EXOC6B: variants seen among roughly 807,000 people sequenced by gnomAD.
The protein encoded by EXOC6B is SEC15 homolog B.
EXOC6B carries 54 observed loss-of-function variants against 113.5 expected under a neutral mutation model. The observed-to-expected ratio is 0.48, with a 90% CI of 0.38 to 0.60. EXOC6B has a LOEUF of 0.60. Ranked by LOEUF, EXOC6B falls within the 20% of genes least tolerant of loss-of-function variation. EXOC6B has a pLI of 0.00. For missense variants in EXOC6B, 797 were observed against 977.5 expected (o/e 0.82, Z 2.46); for synonymous variants, 357 against 339.0 (o/e 1.05, Z -0.58).
At chr2:72,454,848 G>C (rs1301556684) in intron 18 of EXOC6B, among the ~76,000 whole-genome samples, 3 of 152,032 alleles carry the variant, frequency 2.0e-5, no homozygotes, top group Non-Finnish European at 4.4e-5. Flanking sequence ...TATTTCTGAA[G>C]AAATACAAAA....
At chr2:72,809,115 A>G (rs74807730) in intron 1 of EXOC6B, among the ~76,000 whole-genome samples, 9,932 of 152,140 alleles carry the variant, frequency 0.065, 1,103 homozygotes, top group African/African-American at 0.23. Flanking sequence ...AAATCAAAAT[A>G]GAGTTCAAAA....
intron 20 of EXOC6B, among the ~76,000 whole-genome samples, chr2:72,332,299 GA>G (rs958038551): frequency 2.0e-5 from 3 of 151,882 alleles, no homozygotes; most frequent in African/African-American, 7.3e-5. Flanking sequence ...ATTATGTAAT[GA>G]AAAAAATCTG....
chr2:72,446,925 C>A (rs1490670589), intron 18 of EXOC6B, among the ~76,000 whole-genome samples: 1 of 152,112 alleles, frequency 6.6e-6, no homozygotes, highest in Non-Finnish European at 1.5e-5. Context: ...CATGATGAAA[C>A]CCTGTCTCTA....
intron 6 of EXOC6B, among the ~76,000 whole-genome samples, chr2:72,631,798 C>T (rs1195155681): frequency 1.3e-5 from 2 of 152,138 alleles, no homozygotes; most frequent in Non-Finnish European, 2.9e-5. Flanking sequence ...GCCACCACGC[C>T]TGGCCCACCC....
chr2:72,641,399 C>G (rs1673220963), intron 6 of EXOC6B, among the ~76,000 whole-genome samples: 2 of 152,400 alleles, frequency 1.3e-5, no homozygotes, highest in South Asian at 2.1e-4. Context: ...AACGGCACAC[C>G]AGGAGATTTT....
intron 1 of EXOC6B, among the ~76,000 whole-genome samples, chr2:72,788,865 C>T (rs1348219990): frequency 1.3e-5 from 2 of 152,172 alleles, no homozygotes; most frequent in African/African-American, 4.8e-5. Context: ...CCTTGTGCTA[C>T]CACTGGCAGA....
At chr2:72,806,432 A>G (rs1452069038) in intron 1 of EXOC6B, among the ~76,000 whole-genome samples, 2 of 152,172 alleles carry the variant, frequency 1.3e-5, no homozygotes, top group African/African-American at 2.4e-5. Flanking sequence ...TCCACCACTG[A>G]TGGGCAAAGA....
chr2:72,342,254 A>G (rs533420791), intron 19 of EXOC6B, among the ~76,000 whole-genome samples: 236 of 152,252 alleles, frequency 1.6e-3, no homozygotes, highest in African/African-American at 5.0e-3. Context: ...TAGAAATGAT[A>G]AAGATCAGAG....
chr2:72,382,279 C>A (rs1160628788), intron 18 of EXOC6B, among the ~76,000 whole-genome samples: 1 of 152,152 alleles, frequency 6.6e-6, no homozygotes, highest in Non-Finnish European at 1.5e-5. Flanking sequence ...GAGACCAGCA[C>A]AATACTGAAC....
intron 19 of EXOC6B, among the ~76,000 whole-genome samples, chr2:72,342,352 C>G (rs1689079790): frequency 6.6e-6 from 1 of 151,956 alleles, no homozygotes; most frequent in African/African-American, 2.4e-5. Flanking sequence ...ACAAAATTGA[C>G]AAGCCCTTAG....
intron 6 of EXOC6B, among the ~76,000 whole-genome samples, chr2:72,595,803 TTTCAGA>T (rs1670046078): frequency 6.6e-6 from 1 of 152,164 alleles, no homozygotes; most frequent in Non-Finnish European, 1.5e-5. Context: ...CTGTAATTAC[TTTCAGA>T]TTAAGAGAAA....
intron 20 of EXOC6B, among the ~76,000 whole-genome samples, chr2:72,328,559 G>T (rs1457307967): frequency 1.3e-5 from 2 of 152,030 alleles, no homozygotes; most frequent in African/African-American, 2.4e-5. Flanking sequence ...TCTACTACCT[G>T]GGCTAGGCAC....
intron 20 of EXOC6B, among the ~76,000 whole-genome samples, chr2:72,327,742 T>C (rs1441498320): frequency 7.2e-5 from 11 of 152,100 alleles, no homozygotes; most frequent in African/African-American, 2.7e-4. Context: ...GAAGCTGGTA[T>C]GAAGTGAGAT....
At chr2:72,469,717 AGTT>A (rs1335651518) in intron 17 of EXOC6B, among the ~76,000 whole-genome samples, 1 of 151,944 alleles carries the variant, frequency 6.6e-6, no homozygotes, top group Non-Finnish European at 1.5e-5. Context: ...ATTTTGTATA[AGTT>A]GTTGTTGGAT....
Position 72,458,168 on chromosome 2 carries a change from C to T in EXOC6B, c.1980+6992G>A, listed in dbSNP as rs377613333. Among the ~76,000 whole-genome samples the T allele has an allele frequency of 1.2e-3, 187 of 152,228 alleles. 2 individuals are homozygous for T. The highest frequency in any genetic ancestry group is 4.3e-3 in the African/African-American group (179 of 41,548). On this transcript the variant is annotated intron_variant, in intron 18 of 21. Coordinates refer to ENST00000272427, the MANE Select transcript of EXOC6B (RefSeq NM_015189.3). ...CTCTCTGAGAGAGAGCCACTTCTGTCAGGGAATTTCAAATATGAAAAGAAA... is the reference window on the plus strand; with the variant it reads ...CTCTCTGAGAGAGAGCCACTTCTGTTAGGGAATTTCAAATATGAAAAGAAA...
intron 18 of EXOC6B, among the ~76,000 whole-genome samples, chr2:72,458,732 C>A (rs1401614979): frequency 2.0e-5 from 3 of 152,032 alleles, no homozygotes; most frequent in African/African-American, 7.2e-5. Context: ...AGAAAGTTCA[C>A]AACTCTACAG....
chr2:72,209,223 CAAAAAAAAAAA>C (rs1170760516), intron 20 of EXOC6B, among the ~76,000 whole-genome samples: 3 of 57,106 alleles, frequency 5.3e-5, no homozygotes, highest in South Asian at 1.1e-3. Flanking sequence ...AACTCAGTCT[CAAAAAAAAAAA>C]AAAAAAAAAA....
chr2:72,770,273 G>C (rs924276505), intron 1 of EXOC6B, among the ~76,000 whole-genome samples: 2 of 151,828 alleles, frequency 1.3e-5, no homozygotes, highest in Non-Finnish European at 2.9e-5. Context: ...AAAAAAAAGA[G>C]AGAAGATAGA....
At chr2:72,740,976 C>T (rs925002914) in intron 2 of EXOC6B, among the ~76,000 whole-genome samples, 2 of 151,938 alleles carry the variant, frequency 1.3e-5, no homozygotes, top group South Asian at 4.2e-4. Flanking sequence ...TGGTGGTGGG[C>T]GCCTGTAGTC....
Sources: allele counts gnomAD v4.1 joint callset (sites outside exome capture counted in the v4.1 genomes callset), GRCh38; gene constraint gnomAD v4.1.1; transcripts MANE v1.5; gene names NCBI Gene and HGNC (gene_info 2026-07-23, HGNC 2026-07-21).